STARD9: variants seen among roughly 807,000 people sequenced by gnomAD.
STARD9 encodes the protein stAR-related lipid transfer protein 9.
In STARD9, 346 loss-of-function variants were observed where a neutral mutation model predicts 399.8. That is an observed-to-expected ratio of 0.87 (90% CI 0.79 to 0.95). The LOEUF (loss-of-function observed/expected upper bound fraction) is 0.95, where lower values mean the gene tolerates loss of function less well. Ranked by LOEUF, STARD9 falls within the 40% of genes least tolerant of loss-of-function variation. STARD9 has a pLI of 0.00. For synonymous variants in STARD9, 2,203 were observed against 2,143.5 expected (o/e 1.03, Z -0.77); for missense variants, 5,832 against 5,667.5 (o/e 1.03, Z -0.93).
intron 3 of STARD9, among the ~76,000 whole-genome samples, chr15:42,611,324 G>A (rs1458373424): frequency 6.6e-6 from 1 of 152,172 alleles, no homozygotes; most frequent in African/African-American, 2.4e-5. Flanking sequence ...TCTGGCTCTT[G>A]ATAGAAAAAG....
At chr15:42,583,529 A>G (rs2058215686) in intron 2 of STARD9, 114 bp downstream of exon 2, 2 of 691,822 alleles carry the variant, frequency 2.9e-6, no homozygotes, top group African/African-American at 3.6e-5. Context: ...AGGAAGGGGT[A>G]TATAAGAGGA....
intron 3 of STARD9, among the ~76,000 whole-genome samples, chr15:42,618,636 C>A (rs765187761): frequency 6.6e-6 from 1 of 150,820 alleles, no homozygotes; most frequent in Non-Finnish European, 1.5e-5. Context: ...CTTGCTCTGT[C>A]ACCAGGCTGG....
At chr15:42,638,262 A>G in intron 6 of STARD9, 175 bp downstream of exon 6, 1 of 644,648 alleles carries the variant, frequency 1.6e-6, no homozygotes, top group Non-Finnish European at 2.7e-6. Context: ...TGGTTGTAGG[A>G]AACTTAATTT....
At chr15:42,644,579 A>C (rs535848692) in intron 7 of STARD9, among the ~76,000 whole-genome samples, 21 of 152,182 alleles carry the variant, frequency 1.4e-4, no homozygotes, top group Non-Finnish European at 2.9e-4. Flanking sequence ...AGTGAGTCAT[A>C]ATCTCTTTGC....
At chr15:42,596,581 A>T (rs1476431897) in intron 3 of STARD9, among the ~76,000 whole-genome samples, 2 of 152,224 alleles carry the variant, frequency 1.3e-5, no homozygotes, top group Non-Finnish European at 2.9e-5. Flanking sequence ...TTCTTCCCAC[A>T]TACTTGCACA....
chr15:42,589,034 C>T (rs1025341656), intron 3 of STARD9, among the ~76,000 whole-genome samples: 9 of 151,716 alleles, frequency 5.9e-5, no homozygotes, highest in South Asian at 2.1e-4. Context: ...AGGCTGGTCT[C>T]GAACTCCTGA....
chr15:42,584,209 A>G (rs1004578720), intron 2 of STARD9, among the ~76,000 whole-genome samples: 4 of 151,888 alleles, frequency 2.6e-5, no homozygotes, highest in African/African-American at 9.7e-5. Context: ...AGTTATTTGG[A>G]CCCCAGTCTT....
At chr15:42,583,854 T>A (rs1182515552) in intron 2 of STARD9, among the ~76,000 whole-genome samples, 1 of 152,132 alleles carries the variant, frequency 6.6e-6, no homozygotes. Context: ...GCAGGGTTTC[T>A]TTTAGCTATA....
chr15:42,698,437 C>G (rs1395479919), intron 26 of STARD9, among the ~76,000 whole-genome samples: 3 of 152,098 alleles, frequency 2.0e-5, no homozygotes, highest in Non-Finnish European at 4.4e-5. Context: ...TCTCATTTTT[C>G]TCATATGCTT....
chr15:42,616,814 C>T (rs1476883500), intron 3 of STARD9, among the ~76,000 whole-genome samples: 1 of 150,632 alleles, frequency 6.6e-6, no homozygotes, highest in Non-Finnish European at 1.5e-5. Context: ...TGGCACGAAC[C>T]CAGGAGGCAG....
rs1462914743 is a variant in STARD9 at position 42,691,762 on chromosome 15, C to A, written c.10184C>A (p.Thr3395Asn). The change falls in exon 23 of 33, where the codon ACC (threonine) becomes AAC (asparagine). Residue 3395 changes from threonine to asparagine, a missense_variant. By Grantham distance (65) the Thr-to-Asn change is moderately conservative. Coordinates refer to ENST00000290607, the MANE Select transcript of STARD9 (RefSeq NM_020759.3). ...TCATCTCGCTTGGATGATGGGACTA[C>A]CGATCACAGGCACCTGAAGCCTGCC... is the stretch of plus-strand genomic sequence containing the variant. The part of the protein sequence containing the change: ...KASSRLDDGT[T>N]DHRHLKPATP... 1 of 1,537,136 alleles carries A rather than the reference C, an allele frequency of 6.5e-7. No individual in the cohort carries two copies.
At chr15:42,655,757 ATCT>A (rs564559807) in intron 9 of STARD9, among the ~76,000 whole-genome samples, 4 of 152,222 alleles carry the variant, frequency 2.6e-5, no homozygotes, top group African/African-American at 9.7e-5. Flanking sequence ...TAAAACAAAA[ATCT>A]TCTGCACAGC....
chr15:42,665,833 C>G lies in STARD9; in HGVS notation c.1302C>G (p.Leu434=). 6.5e-7 allele frequency: 1 copy of G among 1,537,140 alleles called. No individual in the cohort carries two copies. The highest frequency in any genetic ancestry group is 1.4e-5 in the African/African-American group (1 of 73,154). The stretch of plus-strand genomic sequence containing the variant: ...ATGAAAACCTGAAGGAGCTGGTTCT[C>G]CAAAATGAATTGAAGGTGGGTGTGT... ...LSDENLKELV[L]QNELKIDQLT... Residue 434 remains leucine, a synonymous_variant, in exon 15 of 33, where the codon CTC becomes CTG. Coordinates refer to ENST00000290607, the MANE Select transcript of STARD9 (RefSeq NM_020759.3).
At chr15:42,629,469 A>G (rs939965662) in intron 3 of STARD9, among the ~76,000 whole-genome samples, 1 of 152,136 alleles carries the variant, frequency 6.6e-6, no homozygotes, top group African/African-American at 2.4e-5. Context: ...TTGTATGTTG[A>G]TTTTGTATCT....
At chr15:42,660,847 G>C (rs1413479394) in intron 9 of STARD9, among the ~76,000 whole-genome samples, 1 of 152,062 alleles carries the variant, frequency 6.6e-6, no homozygotes. Flanking sequence ...CATTTGCGTG[G>C]TAAATTGTAC....
intron 12 of STARD9, 100 bp from the exon 13 acceptor site, chr15:42,663,720 T>G (rs557974103): frequency 1.0e-6 from 1 of 968,372 alleles, no homozygotes; most frequent in South Asian, 1.4e-5. Context: ...TCTCATTTCA[T>G]CAGGGGTCTT....
At position 42,718,850 on chromosome 15, in the gene STARD9, G is replaced by C. The variant is rs2061399463; in HGVS notation, c.13941G>C (p.Trp4647Cys). 1 of 1,537,250 alleles carries C rather than the reference G, an allele frequency of 6.5e-7. No homozygotes were observed. Among genetic ancestry groups the C allele is most frequent in the Non-Finnish European group, 8.7e-7 (1 of 1,146,912 alleles). The change falls in exon 32 of 33, where the codon TGG becomes TGC. Residue 4647 changes from tryptophan to cysteine, a missense_variant. Trp to Cys is a radical substitution (Grantham distance 215). Transcript: ENST00000290607. The stretch of plus-strand genomic sequence containing the variant: ...GCGGGGAGATCCTGCCCAGTGCCTG[G>C]ATCTTGCAGCCCATCACTGTGGAAG... ...MVRGEILPSAWILQPITVEGK... is the reference protein window; with the variant it reads ...MVRGEILPSACILQPITVEGK...
chr15:42,703,662 C>T (rs953982942), intron 26 of STARD9, among the ~76,000 whole-genome samples: 2 of 151,970 alleles, frequency 1.3e-5, no homozygotes, highest in African/African-American at 2.4e-5. Context: ...CGTGGGCCAC[C>T]GCGCCTGGCC....
At chr15:42,658,335 A>C (rs907243496) in intron 9 of STARD9, among the ~76,000 whole-genome samples, 1 of 150,830 alleles carries the variant, frequency 6.6e-6, no homozygotes, top group Admixed American at 6.6e-5. Flanking sequence ...ACAGTGTACA[A>C]AATAACTTTT....
Sources: gnomAD v4.1 joint callset for allele counts (sites outside exome capture counted in the v4.1 genomes callset) on GRCh38, gnomAD v4.1.1 for gene constraint, MANE v1.5 for transcripts, NCBI Gene and HGNC (gene_info 2026-07-23, HGNC 2026-07-21) for gene names.